FAF2: variants seen among roughly 807,000 people sequenced by gnomAD.
The protein encoded by FAF2 is FAS-associated factor 2.
A neutral mutation model predicts 62.3 loss-of-function variants in FAF2; 9 were observed. That is an observed-to-expected ratio of 0.14 (90% CI 0.09 to 0.25). FAF2 has a LOEUF of 0.25. Ranked by LOEUF, FAF2 falls within the 10% of genes least tolerant of loss-of-function variation. The pLI, the probability that FAF2 is intolerant of heterozygous loss-of-function variation, is 1.00. For missense variants in FAF2, 368 were observed against 556.2 expected (o/e 0.66, Z 3.40); for synonymous variants, 202 against 198.0 (o/e 1.02, Z -0.17).
At chr5:176,451,244 G>A (rs969504529) in intron 1 of FAF2, among the ~76,000 whole-genome samples, 2 of 152,142 alleles carry the variant, frequency 1.3e-5, no homozygotes, top group African/African-American at 4.8e-5. Flanking sequence ...GGTGGCATGT[G>A]CCTGTAATCC....
At chr5:176,482,731 G>A (rs1209558985) in intron 2 of FAF2, among the ~76,000 whole-genome samples, 1 of 152,138 alleles carries the variant, frequency 6.6e-6, no homozygotes, top group Non-Finnish European at 1.5e-5. Context: ...GACCAGGCTG[G>A]TCTTAAACTC....
chr5:176,475,532 T>C (rs1758673223), intron 1 of FAF2, among the ~76,000 whole-genome samples: 1 of 152,020 alleles, frequency 6.6e-6, no homozygotes, highest in African/African-American at 2.4e-5. Flanking sequence ...ATCCCAACAC[T>C]TTGGGAGGCC....
chr5:176,454,577 G>GAAAAAAAAAAAAAAAAAAAAAAAAAAA (rs56324116), intron 1 of FAF2, among the ~76,000 whole-genome samples: 1 of 95,326 alleles, frequency 1.0e-5, no homozygotes, highest in African/African-American at 4.3e-5. Flanking sequence ...GATTCTGTCT[G>GAAAAAAAAAAAAAAAAAAAAAAAAAAA]AAAAAAAAAA....
rs1755719075 is a variant in FAF2, at chr5:176,508,282, C to G, written c.*1332C>G. ...GGGTCAGGCCATGTATTAACAGATGCCAGTGCGCTCTGACAAGTATTCCAA... is the reference window on the plus strand; with the variant it reads ...GGGTCAGGCCATGTATTAACAGATGGCAGTGCGCTCTGACAAGTATTCCAA... On this transcript the variant is annotated 3_prime_UTR_variant, in exon 11 of 11. Transcript: ENST00000261942. 1 of 152,038 alleles carries G rather than the reference C, an allele frequency of 6.6e-6. No homozygotes were observed. The highest frequency in any genetic ancestry group is 1.5e-5 in the Non-Finnish European group (1 of 68,038). The allele number at this position is 152,038 out of a possible 1,614,324, so 9.4% of individuals were successfully genotyped here.
rs538372682 is a variant in FAF2, at chr5:176,484,917, G to A, written c.133-1438G>A. On this transcript the variant is annotated intron_variant, in intron 2 of 10. Transcript: ENST00000261942. ...AAGAAAAAAAAAAAAAAAGGTTAAA[G>A]TTCCTGACTTAATGAGGAAATAAAA... Among the ~76,000 whole-genome samples, 4 of 150,136 alleles carry A rather than the reference G, an allele frequency of 2.7e-5. No individual in the cohort carries two copies. In the East Asian group the frequency reaches 7.9e-4, roughly 29 times the overall value.
chr5:176,489,749 GT>G (rs977725953), intron 4 of FAF2, among the ~76,000 whole-genome samples: 1 of 152,078 alleles, frequency 6.6e-6, no homozygotes. Flanking sequence ...GTCTCATTTT[GT>G]TGGCCAGGCT....
At chr5:176,479,000 T>C (rs1310461525) in intron 1 of FAF2, among the ~76,000 whole-genome samples, 188 bp from the exon 2 acceptor site, 1 of 152,232 alleles carries the variant, frequency 6.6e-6, no homozygotes, top group Admixed American at 6.5e-5. Flanking sequence ...TTATCATTTT[T>C]TTAGTTCTTT....
At chr5:176,502,702 C>T (rs1196344491) in intron 10 of FAF2, among the ~76,000 whole-genome samples, 1 of 152,190 alleles carries the variant, frequency 6.6e-6, no homozygotes, top group African/African-American at 2.4e-5. Flanking sequence ...CATTCATTAA[C>T]TATTTGATCC....
In FAF2 at chr5:176,507,134, T is replaced by A; in HGVS notation, c.*184T>A. ...GAAGGATCAGAAACCATGCTGCCCG[T>A]AAGAGTCACAACCTGTGTGTGCGCG... On this transcript the variant is annotated 3_prime_UTR_variant, in exon 11 of 11. Transcript: ENST00000261942. 3.1e-6 allele frequency: 1 copy of A among 321,614 alleles called. No homozygotes were observed. Among genetic ancestry groups the A allele is most frequent in the Non-Finnish European group, 5.2e-6 (1 of 191,558 alleles). 19.9% of individuals were successfully genotyped at this position (321,614 alleles called of 1,614,324 possible).
chr5:176,496,832 A>C, intron 8 of FAF2, 169 bp downstream of exon 8: 1 of 460,608 alleles, frequency 2.2e-6, no homozygotes, highest in Non-Finnish European at 3.7e-6. Context: ...AAATTACTCT[A>C]TATCAGGTAA....
Position 176,448,401 on chromosome 5 carries a change from C to G in FAF2, c.-7C>G, listed in dbSNP as rs200372261. The G allele has an allele frequency of 1.2e-6, 2 of 1,604,444 alleles. No individual in the cohort carries two copies. Among genetic ancestry groups the G allele is most frequent in the South Asian group, 1.1e-5 (1 of 89,616 alleles). On this transcript the variant is annotated 5_prime_UTR_variant, in exon 1 of 11. Coordinates refer to ENST00000261942, the MANE Select transcript of FAF2 (RefSeq NM_014613.3). ...GGACGGGTCAGGAGCGTAGAGGCGGCGGCAAAATGGCGGCGCCTGAGGAGC... is the reference window on the plus strand; with the variant it reads ...GGACGGGTCAGGAGCGTAGAGGCGGGGGCAAAATGGCGGCGCCTGAGGAGC...
At chr5:176,460,706 C>A (rs1758363937) in intron 1 of FAF2, among the ~76,000 whole-genome samples, 1 of 152,004 alleles carries the variant, frequency 6.6e-6, no homozygotes, top group Non-Finnish European at 1.5e-5. Flanking sequence ...AATCCCAGCA[C>A]TTTGGGAGGC....
intron 1 of FAF2, among the ~76,000 whole-genome samples, chr5:176,460,520 G>A (rs1758359906): frequency 7.0e-6 from 1 of 142,354 alleles, no homozygotes; most frequent in African/African-American, 2.9e-5. Context: ...CCGCGTGTGT[G>A]TGTGTGTGTG....
chr5:176,486,777 A>G (rs1758881673), intron 3 of FAF2, among the ~76,000 whole-genome samples: 1 of 152,134 alleles, frequency 6.6e-6, no homozygotes, highest in Non-Finnish European at 1.5e-5. Flanking sequence ...ACTTAATCTT[A>G]AACCAGTTTT....
chr5:176,450,838 G>A (rs753313183), intron 1 of FAF2, among the ~76,000 whole-genome samples: 65 of 152,110 alleles, frequency 4.3e-4, no homozygotes, highest in Non-Finnish European at 7.6e-4. Flanking sequence ...GCCGCGCCCG[G>A]CCAAAACTGT....
intron 8 of FAF2, 55 bp from the exon 9 acceptor site, chr5:176,498,859 C>A: frequency 6.9e-7 from 1 of 1,445,750 alleles, no homozygotes. Context: ...TATAAGAAAA[C>A]ACAGAACTTT....
chr5:176,474,061 A>T (rs1758619892), intron 1 of FAF2, among the ~76,000 whole-genome samples: 2 of 152,180 alleles, frequency 1.3e-5, no homozygotes, highest in African/African-American at 2.4e-5. Flanking sequence ...TGCTACTGGG[A>T]TGTTGTGGCT....
At chr5:176,472,560 G>A (rs1212927679) in intron 1 of FAF2, among the ~76,000 whole-genome samples, 2 of 152,020 alleles carry the variant, frequency 1.3e-5, no homozygotes, top group Non-Finnish European at 2.9e-5. Flanking sequence ...TGGGATTACA[G>A]GTAATGAGCC....
At chr5:176,496,430 G>A (rs2963670) in intron 7 of FAF2, 56 bp from the exon 8 acceptor site, 715,027 of 1,403,902 alleles carry the variant, frequency 0.51, 183,678 homozygotes, top group Admixed American at 0.53. Flanking sequence ...AAAGTCTAAG[G>A]GTTGATCTTT....
Sources: gnomAD v4.1 joint callset for allele counts (sites outside exome capture counted in the v4.1 genomes callset) on GRCh38, gnomAD v4.1.1 for gene constraint, MANE v1.5 for transcripts, NCBI Gene and HGNC (gene_info 2026-07-23, HGNC 2026-07-21) for gene names.